Variants in NIPBL observed in about 807,000 individuals in gnomAD.
NIPBL encodes NIPBL cohesin loading factor, also known as nipped-B-like protein.
NIPBL carries 19 observed loss-of-function variants against 321.8 expected under a neutral mutation model. That is an observed-to-expected ratio of 0.06 (90% CI 0.04 to 0.09). The LOEUF is 0.09. Among genes scored for constraint, NIPBL ranks in the 10% least tolerant of loss-of-function variants. The pLI is 1.00. For synonymous variants in NIPBL, 1,106 were observed against 1,114.1 expected (o/e 0.99, Z 0.14); for missense variants, 2,210 against 3,327.0 (o/e 0.66, Z 8.26).
chr5:37,012,248 C>T (rs1748219805), intron 21 of NIPBL, among the ~76,000 whole-genome samples: 1 of 151,262 alleles, frequency 6.6e-6, no homozygotes, highest in Non-Finnish European at 1.5e-5. Context: ...CGCCTAGGCT[C>T]AAGTGATCCT....
intron 1 of NIPBL, among the ~76,000 whole-genome samples, chr5:36,922,690 T>A (rs984337140): frequency 6.6e-6 from 1 of 152,224 alleles, no homozygotes; most frequent in Non-Finnish European, 1.5e-5. Flanking sequence ...TGATGAACTC[T>A]GAGGTTCATG....
Position 36,976,299 on chromosome 5 carries a change from T to A in NIPBL, c.1392T>A (p.Pro464=), listed in dbSNP as rs555179389. ...QNQQQISQQG[P]IYDEVELDAL... ...AACAACAGATATCACAACAGGGACC[T>A]ATATATGATGAAGTGGAATTGGATG... is the stretch of plus-strand genomic sequence containing the variant. Residue 464 remains proline (P), a synonymous_variant, in exon 9 of 47, where the codon CCT becomes CCA. Coordinates refer to ENST00000282516, the MANE Select transcript of NIPBL (RefSeq NM_133433.4). 1.4e-5 allele frequency: 22 copies of A among 1,613,626 alleles called. No homozygotes were observed. In the East Asian group the frequency reaches 4.7e-4, roughly 34 times the overall value.
chr5:36,913,674 A>T (rs1748228956), intron 1 of NIPBL, among the ~76,000 whole-genome samples: 1 of 152,050 alleles, frequency 6.6e-6, no homozygotes, highest in African/African-American at 2.4e-5. Flanking sequence ...TGCCCAGCTT[A>T]GTTTTCTTAA....
At chr5:36,905,530 G>A (rs1747565415) in intron 1 of NIPBL, among the ~76,000 whole-genome samples, 1 of 152,100 alleles carries the variant, frequency 6.6e-6, no homozygotes, top group African/African-American at 2.4e-5. Flanking sequence ...TCTCCTTCCT[G>A]AACCAATCTT....
intron 34 of NIPBL, among the ~76,000 whole-genome samples, chr5:37,041,124 T>C (rs1446903646): frequency 1.3e-5 from 2 of 151,828 alleles, no homozygotes; most frequent in Non-Finnish European, 2.9e-5. Context: ...GTTGCTCTTT[T>C]ACTTAATGGT....
intron 21 of NIPBL, among the ~76,000 whole-genome samples, chr5:37,013,746 T>C (rs1748546283): frequency 6.6e-6 from 1 of 150,658 alleles, no homozygotes; most frequent in Non-Finnish European, 1.5e-5. Context: ...GCAGAGAGGC[T>C]CCTCACATCC....
intron 40 of NIPBL, among the ~76,000 whole-genome samples, chr5:37,050,322 G>A (rs1753398907): frequency 6.6e-6 from 1 of 151,908 alleles, no homozygotes; most frequent in African/African-American, 2.4e-5. Context: ...AAATTAGCCA[G>A]GTGTGGTGGC....
At chr5:36,922,201 T>C (rs1749001754) in intron 1 of NIPBL, among the ~76,000 whole-genome samples, 1 of 152,152 alleles carries the variant, frequency 6.6e-6, no homozygotes, top group African/African-American at 2.4e-5. Flanking sequence ...TCAATGTTTT[T>C]CTTAAAAATA....
Position 36,985,948 on chromosome 5 carries a change from G to A in NIPBL, c.2768G>A (p.Gly923Asp). The A allele has an allele frequency of 6.2e-7, 1 of 1,613,950 alleles. No individual in the cohort carries two copies. Among genetic ancestry groups the A allele is most frequent in the East Asian group, 2.2e-5 (1 of 44,874 alleles). Residue 923 changes from glycine (G) to aspartate (D), a missense_variant, in exon 10 of 47, where the codon GGT (glycine) becomes GAT (aspartate). Gly to Asp is a moderately conservative substitution (Grantham distance 94). Coordinates refer to ENST00000282516, the MANE Select transcript of NIPBL (RefSeq NM_133433.4). The stretch of plus-strand genomic sequence containing the variant: ...AGTAAAGATGACAAAAGGACAGAGG[G>A]TAACAAGAGTAAAGTAGACACTAAT... ...PTSKDDKRTE[G>D]NKSKVDTNKA...
At chr5:36,954,090 T>C (rs1740688853) in intron 2 of NIPBL, among the ~76,000 whole-genome samples, 2 of 152,228 alleles carry the variant, frequency 1.3e-5, no homozygotes, top group Admixed American at 1.3e-4. Flanking sequence ...TTTATTCTTT[T>C]GTTAGGCATT....
chr5:36,950,801 C>G (rs1740203323), intron 1 of NIPBL, among the ~76,000 whole-genome samples: 1 of 152,082 alleles, frequency 6.6e-6, no homozygotes, highest in African/African-American at 2.4e-5. Flanking sequence ...AATGTCATAG[C>G]TAGTTAGTTA....
In NIPBL at chr5:37,032,615, A is replaced by C. The variant is rs115399039; in HGVS notation, c.5863-3764A>C. 3.2e-3 allele frequency among the ~76,000 whole-genome samples: 486 copies of C among 152,184 alleles called. 5 individuals carry two copies. Among genetic ancestry groups the C allele is most frequent in the African/African-American group, 0.011 (472 of 41,516 alleles). ...TGAGACCCCATCTCTGAAAAACATA[A>C]ATAAATAAAATTAACTGGGCATTGT... On this transcript the variant is annotated intron_variant, in intron 32 of 46. Transcript: ENST00000282516.
chr5:37,057,711 A>G (rs1382911746), intron 43 of NIPBL, among the ~76,000 whole-genome samples: 1 of 152,226 alleles, frequency 6.6e-6, no homozygotes, highest in Non-Finnish European at 1.5e-5. Flanking sequence ...TAGCTTATTT[A>G]CACTTAAACA....
At chr5:37,029,850 A>G (rs188013756) in intron 32 of NIPBL, among the ~76,000 whole-genome samples, 164 of 152,260 alleles carry the variant, frequency 1.1e-3, no homozygotes, top group African/African-American at 3.8e-3. Context: ...TTCTTAAATC[A>G]TCTTTCATTT....
chr5:36,888,367 A>G (rs913269061), intron 1 of NIPBL, among the ~76,000 whole-genome samples: 7 of 151,980 alleles, frequency 4.6e-5, no homozygotes, highest in Admixed American at 2.6e-4. Context: ...CTCATTTTTT[A>G]TCTTTTCATT....
At chr5:36,955,105 A>C (rs1003694853) in intron 2 of NIPBL, 3 of 241,132 alleles carry the variant, frequency 1.2e-5, no homozygotes, top group Non-Finnish European at 2.5e-5. Flanking sequence ...GTATGAGCGT[A>C]CTATTGATTC....
intron 1 of NIPBL, among the ~76,000 whole-genome samples, chr5:36,884,231 A>G (rs1745717963): frequency 6.6e-6 from 1 of 151,988 alleles, no homozygotes; most frequent in Admixed American, 6.6e-5. Context: ...ACTGTGGCTA[A>G]TATAGGTATT....
At chr5:36,984,553 G>A (rs1744520721) in intron 9 of NIPBL, 123 bp from the exon 10 acceptor site, 2 of 774,532 alleles carry the variant, frequency 2.6e-6, no homozygotes, top group African/African-American at 1.8e-5. Context: ...GTACATATTT[G>A]CATTTGCATT....
At chr5:36,900,082 G>C (rs1747085613) in intron 1 of NIPBL, among the ~76,000 whole-genome samples, 1 of 152,000 alleles carries the variant, frequency 6.6e-6, no homozygotes, top group Non-Finnish European at 1.5e-5. Flanking sequence ...TCACTGTTTT[G>C]AATATTTGAC....
Sources: gnomAD v4.1 joint callset for allele counts (sites outside exome capture counted in the v4.1 genomes callset) on GRCh38, gnomAD v4.1.1 for gene constraint, MANE v1.5 for transcripts, NCBI Gene and HGNC (gene_info 2026-07-23, HGNC 2026-07-21) for gene names.